CCSER1: variants seen among roughly 807,000 people sequenced by gnomAD.
The protein encoded by CCSER1 is coiled-coil serine rich protein 1.
In CCSER1, 41 loss-of-function variants were observed where a neutral mutation model predicts 82.0. The ratio of observed to expected loss-of-function variants is 0.50; its 90% CI spans 0.39 to 0.65. The LOEUF is 0.65. Ranked by LOEUF, CCSER1 falls within the 30% of genes least tolerant of loss-of-function variation. The pLI, the probability that CCSER1 is intolerant of heterozygous loss-of-function variation, is 0.00. For synonymous variants in CCSER1, 414 were observed against 383.9 expected, an observed-to-expected ratio of 1.08 and a Z score of -0.92; for missense variants, 1,119 against 1,064.2, an observed-to-expected ratio of 1.05 and a Z score of -0.72.
At chr4:90,168,934 G>T (rs1444257462) in intron 1 of CCSER1, among the ~76,000 whole-genome samples, 2 of 151,506 alleles carry the variant, frequency 1.3e-5, no homozygotes, top group South Asian at 2.1e-4. Flanking sequence ...TATTCTTTTG[G>T]CTTAGGATTG....
At chr4:91,180,549 TG>T (rs1180406189) in intron 10 of CCSER1, among the ~76,000 whole-genome samples, 7 of 152,236 alleles carry the variant, frequency 4.6e-5, no homozygotes, top group African/African-American at 1.4e-4. Flanking sequence ...CCTTGCAGTT[TG>T]ACCTCAGACT....
intron 1 of CCSER1, among the ~76,000 whole-genome samples, chr4:90,193,881 A>G (rs367887106): frequency 6.6e-6 from 1 of 152,198 alleles, no homozygotes; most frequent in East Asian, 1.9e-4. Context: ...TATGCACTAG[A>G]AATTTTGAAA....
At chr4:90,732,121 T>A (rs1449778722) in intron 7 of CCSER1, among the ~76,000 whole-genome samples, 1 of 151,302 alleles carries the variant, frequency 6.6e-6, no homozygotes, top group East Asian at 1.9e-4. Flanking sequence ...TGGACTAGCT[T>A]GAGCTTTCTC....
chr4:90,933,132 AGTGTGTGTGTGTGTGT>A lies in CCSER1; in HGVS notation c.2172+9721_2172+9736del, dbSNP rs536402295. On this transcript the variant is annotated intron_variant, in intron 9 of 10. Transcript: ENST00000509176. ...TGTTGTTCCAAAAATGTTACCTAGA[AGTGTGTGTGTGTGTGT>A]GTGTGTGTGTGTGTGTGTGTGTGTG... 5.9e-3 allele frequency among the ~76,000 whole-genome samples: 417 copies of A among 70,168 alleles called. 6 individuals carry two copies. Among genetic ancestry groups the A allele is most frequent in the Middle Eastern group, 0.029 (3 of 104 alleles). 46.0% of individuals were successfully genotyped at this position (70,168 alleles called of 152,430 possible).
chr4:91,085,860 A>T, intron 9 of CCSER1, 90 bp from the exon 10 acceptor site: 4 of 772,992 alleles, frequency 5.2e-6, no homozygotes, highest in Non-Finnish European at 4.4e-6. Context: ...TAAGTGAATT[A>T]TTTCCTTTAT....
intron 7 of CCSER1, among the ~76,000 whole-genome samples, chr4:90,811,106 T>C (rs1011150846): frequency 1.2e-4 from 19 of 152,210 alleles, no homozygotes; most frequent in African/African-American, 4.3e-4. Context: ...TCCAAAGTGC[T>C]GGGGTTACAG....
chr4:91,443,603 A>G (rs992579829), intron 10 of CCSER1, among the ~76,000 whole-genome samples: 1 of 151,454 alleles, frequency 6.6e-6, no homozygotes, highest in African/African-American at 2.4e-5. Flanking sequence ...ATGTATACAT[A>G]TGTAACTAAC....
chr4:91,532,845 G>A (rs916356035), intron 10 of CCSER1, among the ~76,000 whole-genome samples: 1 of 151,328 alleles, frequency 6.6e-6, no homozygotes, highest in Non-Finnish European at 1.5e-5. Flanking sequence ...ACTGCAGCCT[G>A]GATGACAGAA....
chr4:90,434,246 A>T (rs1490426021), intron 4 of CCSER1, among the ~76,000 whole-genome samples: 1 of 152,046 alleles, frequency 6.6e-6, no homozygotes, highest in African/African-American at 2.4e-5. Context: ...ATAATTTTTG[A>T]TATTTTATTT....
intron 10 of CCSER1, among the ~76,000 whole-genome samples, chr4:91,388,636 A>T (rs1040064004): frequency 6.6e-6 from 1 of 151,974 alleles, no homozygotes; most frequent in African/African-American, 2.4e-5. Flanking sequence ...TTTAATGTGC[A>T]TTTCCTGATG....
At chr4:91,110,046 T>A (rs1168802169) in intron 10 of CCSER1, among the ~76,000 whole-genome samples, 1 of 152,064 alleles carries the variant, frequency 6.6e-6, no homozygotes, top group African/African-American at 2.4e-5. Context: ...AGATTAAAAC[T>A]AAGCAAATTA....
At chr4:90,939,211 G>A (rs1052204073) in intron 9 of CCSER1, among the ~76,000 whole-genome samples, 2 of 151,684 alleles carry the variant, frequency 1.3e-5, no homozygotes, top group Non-Finnish European at 2.9e-5. Flanking sequence ...TTTTTCCCTC[G>A]CATCAAGACC....
At chr4:91,389,132 C>T (rs1560633336) in intron 10 of CCSER1, among the ~76,000 whole-genome samples, 1 of 151,932 alleles carries the variant, frequency 6.6e-6, no homozygotes, top group Non-Finnish European at 1.5e-5. Flanking sequence ...AAAAATTCAA[C>T]ATTATACCTA....
chr4:90,157,835 C>T (rs923318819), intron 1 of CCSER1, among the ~76,000 whole-genome samples: 16 of 152,144 alleles, frequency 1.1e-4, no homozygotes, highest in African/African-American at 2.9e-4. Flanking sequence ...TCCTGTAGCT[C>T]GGAGTAGTTT....
At chr4:91,088,271 T>C (rs918863460) in intron 10 of CCSER1, among the ~76,000 whole-genome samples, 1 of 152,130 alleles carries the variant, frequency 6.6e-6, no homozygotes, top group Non-Finnish European at 1.5e-5. Context: ...CCCATAGGTG[T>C]TGATGGATGC....
At chr4:90,264,295 C>A (rs1377579135) in intron 1 of CCSER1, among the ~76,000 whole-genome samples, 1 of 152,096 alleles carries the variant, frequency 6.6e-6, no homozygotes, top group African/African-American at 2.4e-5. Flanking sequence ...GCACTTTTTA[C>A]ATGTTCTGCT....
intron 5 of CCSER1, among the ~76,000 whole-genome samples, chr4:90,592,565 T>C (rs2148700653): frequency 6.6e-6 from 1 of 152,300 alleles, no homozygotes; most frequent in South Asian, 2.1e-4. Context: ...ATACATAAAC[T>C]TGTATATTAT....
intron 9 of CCSER1, among the ~76,000 whole-genome samples, chr4:90,975,198 CA>C (rs956247422): frequency 1.3e-5 from 2 of 151,066 alleles, no homozygotes; most frequent in African/African-American, 4.9e-5. Context: ...TTGCATTTAT[CA>C]GGGGTTAAGA....
chr4:90,782,923 C>G (rs936251558), intron 7 of CCSER1, among the ~76,000 whole-genome samples: 1 of 149,968 alleles, frequency 6.7e-6, no homozygotes, highest in Non-Finnish European at 1.5e-5. Context: ...ATCGAGATCC[C>G]CCCTCCTCGG....
Sources: gnomAD v4.1 joint callset for allele counts (sites outside exome capture counted in the v4.1 genomes callset) on GRCh38, gnomAD v4.1.1 for gene constraint, MANE v1.5 for transcripts, NCBI Gene and HGNC (gene_info 2026-07-23, HGNC 2026-07-21) for gene names.